The following STK38L variants were observed in gnomAD, a reference collection of about 807,000 sequenced individuals.
The protein encoded by STK38L is serine/threonine kinase 38 like.
Under a neutral mutation model 59.7 loss-of-function variants are expected in STK38L, and 28 were observed. The ratio of observed to expected loss-of-function variants is 0.47; its 90% CI spans 0.35 to 0.64. The LOEUF (loss-of-function observed/expected upper bound fraction) is 0.64, where lower values mean the gene tolerates loss of function less well. Ranked by LOEUF, STK38L falls within the 30% of genes least tolerant of loss-of-function variation. The pLI is 0.01. For synonymous variants in STK38L, 162 were observed against 176.8 expected (o/e 0.92, Z 0.66); for missense variants, 314 against 555.8 (o/e 0.56, Z 4.37).
At position 27,308,950 on chromosome 12, in the gene STK38L, T is replaced by A. The variant is rs1031134193; in HGVS notation, c.310-164T>A. 7.0e-6 allele frequency among the ~76,000 whole-genome samples: 1 copy of A among 142,328 alleles called. No homozygotes were observed. Among genetic ancestry groups the A allele is most frequent in the Non-Finnish European group, 1.6e-5 (1 of 64,162 alleles). 93.4% of individuals were successfully genotyped at this position (142,328 alleles called of 152,430 possible). The stretch of plus-strand genomic sequence containing the variant: ...TATAAAATATATATAAATATATATA[T>A]AACATATATAAAAATATATAGATAT... On this transcript the variant is annotated intron_variant, in intron 4 of 13. Transcript: ENST00000389032. The surrounding 1 kb of genome is among the most constrained non-coding windows in gnomAD (Gnocchi z 4.5).
At chr12:27,306,788 G>C (rs1370089801) in intron 3 of STK38L, among the ~76,000 whole-genome samples, 2 of 146,194 alleles carry the variant, frequency 1.4e-5, no homozygotes, top group Non-Finnish European at 1.5e-5. Context: ...TTGTCACCCA[G>C]GCTGGAGTGC....
At chr12:27,277,910 G>A (rs1412425760) in intron 1 of STK38L, among the ~76,000 whole-genome samples, 1 of 152,142 alleles carries the variant, frequency 6.6e-6, no homozygotes. Context: ...TTACATACTA[G>A]GTCTTCCAAG....
At chr12:27,312,522 AT>A (rs762904824) in intron 5 of STK38L, 26 bp from the exon 6 acceptor site, 28 of 1,609,294 alleles carry the variant, frequency 1.7e-5, no homozygotes, top group Non-Finnish European at 2.2e-5. Flanking sequence ...ATTTACAATT[AT>A]TTTTTTCAAA....
chr12:27,318,067 T>G (rs781607533), intron 11 of STK38L, 48 bp downstream of exon 11: 11 of 1,605,358 alleles, frequency 6.9e-6, no homozygotes, highest in Non-Finnish European at 8.5e-6. Context: ...TAAAACTTCC[T>G]AAGAACCTAA....
intron 1 of STK38L, among the ~76,000 whole-genome samples, chr12:27,268,965 T>G (rs1332846053): frequency 1.3e-5 from 2 of 152,198 alleles, no homozygotes; most frequent in Non-Finnish European, 2.9e-5. Flanking sequence ...TTGATGGGGT[T>G]GTTTGTTTTT....
chr12:27,318,948 G>A (rs1266295944), intron 11 of STK38L, among the ~76,000 whole-genome samples: 4 of 152,104 alleles, frequency 2.6e-5, no homozygotes, highest in East Asian at 1.9e-4. Flanking sequence ...CTGAGATCAC[G>A]CCACTGCACT....
At chr12:27,250,402 G>T (rs1295031091) in intron 1 of STK38L, among the ~76,000 whole-genome samples, 3 of 152,064 alleles carry the variant, frequency 2.0e-5, no homozygotes, top group Non-Finnish European at 4.4e-5. Context: ...TTGTCTCCCA[G>T]TGGTAATATA....
At chr12:27,267,338 T>G in intron 1 of STK38L, among the ~76,000 whole-genome samples, 1 of 152,088 alleles carries the variant, frequency 6.6e-6, no homozygotes, top group East Asian at 1.9e-4. Flanking sequence ...TCCCAGCACT[T>G]TGGGAGGCAG....
chr12:27,254,944 T>G (rs1198939853), intron 1 of STK38L, among the ~76,000 whole-genome samples: 2 of 152,232 alleles, frequency 1.3e-5, no homozygotes, highest in Non-Finnish European at 2.9e-5. Context: ...TCTGGTTGTA[T>G]TTTTATGCCA....
At chr12:27,312,769 T>G (rs1944486240) in intron 6 of STK38L, 97 bp downstream of exon 6, 1 of 1,439,486 alleles carries the variant, frequency 6.9e-7, no homozygotes, top group African/African-American at 1.4e-5. Context: ...TATTCTTTGC[T>G]CTGAGGCTTT....
At chr12:27,314,858 T>C (rs1310738472) in intron 7 of STK38L, among the ~76,000 whole-genome samples, 157 bp from the exon 8 acceptor site, 2 of 152,190 alleles carry the variant, frequency 1.3e-5, no homozygotes, top group African/African-American at 2.4e-5. Flanking sequence ...TTTTCTACTT[T>C]TAAAAATCAT....
At chr12:27,248,862 T>C (rs562004898) in intron 1 of STK38L, among the ~76,000 whole-genome samples, 38 of 152,350 alleles carry the variant, frequency 2.5e-4, no homozygotes, top group Non-Finnish European at 2.9e-5. Flanking sequence ...AAAAGTTTTT[T>C]TTTGAAACAT....
intron 1 of STK38L, among the ~76,000 whole-genome samples, chr12:27,277,345 A>G (rs1238209199): frequency 2.2e-5 from 2 of 92,816 alleles, no homozygotes; most frequent in African/African-American, 3.1e-5. Flanking sequence ...CAAGACCTCC[A>G]TCTCAAAAAA....
At chr12:27,280,133 T>C (rs1943622272) in intron 1 of STK38L, among the ~76,000 whole-genome samples, 1 of 152,224 alleles carries the variant, frequency 6.6e-6, no homozygotes, top group African/African-American at 2.4e-5. Context: ...TTAAAAGTAC[T>C]ATGAAGGGTT....
chr12:27,317,916 G>T lies in STK38L; in HGVS notation c.976G>T (p.Glu326Ter). The change falls in exon 11 of 14, where the codon GAA becomes TAA. Residue 326 changes from glutamate (E) to a stop codon, truncating the protein, a stop_gained. Transcript: ENST00000389032. LOFTEE classifies it high-confidence loss of function. ...CATAGGATATCCACCTTTCTGCTCT[G>T]AAACACCTCAAGAAACGTACAGAAA... ...MLIGYPPFCSETPQETYRKVM... is the reference protein window; with the variant it reads ...MLIGYPPFCS The T allele has an allele frequency of 6.2e-7, 1 of 1,613,836 alleles. No homozygotes were observed. The highest frequency in any genetic ancestry group is 1.1e-5 in the South Asian group (1 of 91,064).
At chr12:27,246,170 C>G (rs1409299809) in intron 1 of STK38L, among the ~76,000 whole-genome samples, 2 of 152,110 alleles carry the variant, frequency 1.3e-5, no homozygotes, top group Non-Finnish European at 2.9e-5. Context: ...ATTGGACTTC[C>G]TAAAAAATGA....
chr12:27,255,377 T>A (rs1237611335), intron 1 of STK38L, among the ~76,000 whole-genome samples: 1 of 152,154 alleles, frequency 6.6e-6, no homozygotes, highest in Admixed American at 6.5e-5. Context: ...AACAAAAAAT[T>A]TATTTTTTAG....
chr12:27,279,131 A>G (rs917388802), intron 1 of STK38L, among the ~76,000 whole-genome samples: 1 of 152,216 alleles, frequency 6.6e-6, no homozygotes, highest in Non-Finnish European at 1.5e-5. Context: ...TCGGACCATC[A>G]TAAAGTGGAA....
chr12:27,279,994 G>A (rs1202737586), intron 1 of STK38L, among the ~76,000 whole-genome samples: 1 of 152,074 alleles, frequency 6.6e-6, no homozygotes, highest in African/African-American at 2.4e-5. Flanking sequence ...TTGTAAATGT[G>A]GGAAGCGCCT....
Sources: gnomAD v4.1 joint callset for allele counts (sites outside exome capture counted in the v4.1 genomes callset) on GRCh38, gnomAD v4.1.1 for gene constraint, Gnocchi (gnomAD v3.1) non-coding constraint, MANE v1.5 for transcripts, NCBI Gene and HGNC (gene_info 2026-07-23, HGNC 2026-07-21) for gene names.